Variants in FREM2 observed in about 807,000 individuals in gnomAD.
The protein encoded by FREM2 is FRAS1-related extracellular matrix protein 2.
A neutral mutation model predicts 219.9 loss-of-function variants in FREM2; 119 were observed. That is an observed-to-expected ratio of 0.54 (90% CI 0.47 to 0.63). The LOEUF is 0.63. Ranked by LOEUF, FREM2 falls within the 30% of genes least tolerant of loss-of-function variation. FREM2 has a pLI of 0.00. For synonymous variants in FREM2, 1,562 were observed against 1,522.8 expected, an observed-to-expected ratio of 1.03 and a Z score of -0.60; for missense variants, 4,030 against 3,993.6, an observed-to-expected ratio of 1.01 and a Z score of -0.25.
intron 6 of FREM2, among the ~76,000 whole-genome samples, chr13:38,807,927 G>T (rs1467900435): frequency 6.6e-6 from 1 of 151,946 alleles, no homozygotes; most frequent in Non-Finnish European, 1.5e-5. Flanking sequence ...GCCAGGCATT[G>T]AATTCTCTTA....
chr13:38,774,561 A>G (rs917514993), intron 4 of FREM2, among the ~76,000 whole-genome samples: 2 of 152,202 alleles, frequency 1.3e-5, no homozygotes, highest in African/African-American at 4.8e-5. Context: ...TAGGATAAAG[A>G]TTCTTAACCT....
Position 38,690,523 on chromosome 13 carries a change from T to C in FREM2, c.3179T>C (p.Leu1060Pro), listed in dbSNP as rs748724862. Reference protein sequence around the residue: ...IQGVTIWVTILPVDSQAPEIF... With the variant: ...IQGVTIWVTIPPVDSQAPEIF... ...GGAGTTACTATATGGGTGACCATCC[T>C]GCCTGTTGATAGCCAGGCCCCAGAA... is the stretch of plus-strand genomic sequence containing the variant. The change falls in exon 1 of 24, where the codon CTG becomes CCG. Residue 1060 changes from leucine (L) to proline (P), a missense_variant. Transcript: ENST00000280481. The C allele has an allele frequency of 6.2e-7, 1 of 1,614,156 alleles. No individual in the cohort carries two copies. The highest frequency in any genetic ancestry group is 1.7e-5 in the Admixed American group (1 of 60,034).
intron 2 of FREM2, among the ~76,000 whole-genome samples, chr13:38,705,336 A>G (rs1870496834): frequency 6.6e-6 from 1 of 152,196 alleles, no homozygotes; most frequent in Non-Finnish European, 1.5e-5. Flanking sequence ...TGGTGCTGCC[A>G]TTTATGGAGA....
At chr13:38,826,746 G>A (rs763195487) in intron 6 of FREM2, among the ~76,000 whole-genome samples, 1 of 152,054 alleles carries the variant, frequency 6.6e-6, no homozygotes, top group African/African-American at 2.4e-5. Context: ...CACAGTCTCT[G>A]TTGATTTCAA....
At position 38,687,463 on chromosome 13, in the gene FREM2, T is replaced by C; in HGVS notation, c.119T>C (p.Leu40Pro). Residue 40 changes from leucine (L) to proline (P), a missense_variant, in exon 1 of 24, where the codon CTG becomes CCG. By Grantham distance (98) the Leu-to-Pro change is moderately conservative. Around this residue, in one of 2 missense-constraint regions of FREM2, gnomAD observed 3,102 missense variants for 2,950.7 expected, o/e 1.05. Transcript: ENST00000280481. ...CTGCTGCTGCTGCTTCTCCTGTCAC[T>C]GGTAAGCCGCGTCCCGGCACAGCCC... ...LLLLLLLLLS[L>P]VSRVPAQPAA... The C allele has an allele frequency of 6.3e-7, 1 of 1,592,324 alleles. No homozygotes were observed. Among genetic ancestry groups the C allele is most frequent in the East Asian group, 2.3e-5 (1 of 43,958 alleles).
At chr13:38,840,866 A>G (rs1876935995) in intron 6 of FREM2, among the ~76,000 whole-genome samples, 1 of 152,118 alleles carries the variant, frequency 6.6e-6, no homozygotes, top group Admixed American at 6.6e-5. Context: ...AAATACAATG[A>G]ACAATCCTTT....
Position 38,687,972 on chromosome 13 carries a change from C to T in FREM2, c.628C>T (p.Gln210Ter). 2.5e-6 allele frequency: 4 copies of T among 1,612,522 alleles called. No homozygotes were observed. Among genetic ancestry groups the T allele is most frequent in the Non-Finnish European group, 3.4e-6 (4 of 1,179,248 alleles). The change falls in exon 1 of 24, where the codon CAG becomes TAG. Residue 210 changes from glutamine to a stop codon, truncating the protein, a stop_gained. Transcript: ENST00000280481. LOFTEE classifies it high-confidence loss of function. ...CGCGCGGAGCCTGGAGTTCGCCTTC[C>T]AGCCCGAGACAGAGGAGTGCCGCGT... ...LDARSLEFAF[Q>*]PETEECRVGI...
At chr13:38,702,694 C>A (rs1870389226) in intron 2 of FREM2, among the ~76,000 whole-genome samples, 1 of 152,050 alleles carries the variant, frequency 6.6e-6, no homozygotes, top group Admixed American at 6.6e-5. Flanking sequence ...CCTGGCTGGA[C>A]ATATTGAGTA....
chr13:38,728,487 CCT>C (rs1871622264), intron 2 of FREM2, among the ~76,000 whole-genome samples: 1 of 151,990 alleles, frequency 6.6e-6, no homozygotes, highest in African/African-American at 2.4e-5. Context: ...CTCGGTGCAG[CCT>C]CCACTTCCCA....
chr13:38,785,289 A>G (rs970954498), intron 6 of FREM2, among the ~76,000 whole-genome samples: 1 of 152,244 alleles, frequency 6.6e-6, no homozygotes, highest in Non-Finnish European at 1.5e-5. Flanking sequence ...GCCCCAAAAC[A>G]GGAGGGAGAG....
intron 2 of FREM2, among the ~76,000 whole-genome samples, chr13:38,731,371 T>C (rs1871761969): frequency 6.6e-6 from 1 of 152,208 alleles, no homozygotes; most frequent in South Asian, 2.1e-4. Context: ...GGGGATTCCT[T>C]GAGTTATAAG....
chr13:38,794,440 G>A (rs545654344), intron 6 of FREM2, among the ~76,000 whole-genome samples: 3 of 152,156 alleles, frequency 2.0e-5, no homozygotes, highest in African/African-American at 7.2e-5. Context: ...ATTTTAACCA[G>A]CTTATTTTGT....
chr13:38,739,429 G>T (rs1442733953), intron 2 of FREM2, among the ~76,000 whole-genome samples: 1 of 152,092 alleles, frequency 6.6e-6, no homozygotes, highest in East Asian at 1.9e-4. Context: ...ATGGGAAGGA[G>T]AAAAATATAG....
At chr13:38,791,977 T>C (rs1467427320) in intron 6 of FREM2, among the ~76,000 whole-genome samples, 1 of 152,172 alleles carries the variant, frequency 6.6e-6, no homozygotes, top group Non-Finnish European at 1.5e-5. Context: ...GGGAAGTCCT[T>C]ATTGTTTGTC....
At chr13:38,732,743 T>G (rs1342989612) in intron 2 of FREM2, among the ~76,000 whole-genome samples, 1 of 152,198 alleles carries the variant, frequency 6.6e-6, no homozygotes, top group Non-Finnish European at 1.5e-5. Flanking sequence ...TAAGGGGAAT[T>G]AAGAAGAAAT....
chr13:38,857,610 A>G (rs1447364193), intron 12 of FREM2, among the ~76,000 whole-genome samples: 1 of 152,172 alleles, frequency 6.6e-6, no homozygotes, highest in Non-Finnish European at 1.5e-5. Flanking sequence ...TTAGAGCCCA[A>G]ACACCTCATG....
chr13:38,779,504 G>GT (rs748037619), intron 4 of FREM2: 1 of 152,066 alleles, frequency 6.6e-6, no homozygotes, highest in Non-Finnish European at 1.5e-5. Flanking sequence ...TCTGTGAAGC[G>GT]TTTCGTATTT....
At chr13:38,868,049 T>A (rs1878032550) in intron 16 of FREM2, among the ~76,000 whole-genome samples, 1 of 152,240 alleles carries the variant, frequency 6.6e-6, no homozygotes, top group African/African-American at 2.4e-5. Context: ...CGGTCCCATT[T>A]TCTTCTACCT....
chr13:38,746,977 T>C (rs1872511008), intron 2 of FREM2, among the ~76,000 whole-genome samples: 1 of 152,132 alleles, frequency 6.6e-6, no homozygotes, highest in African/African-American at 2.4e-5. Context: ...TCCAAAGCCA[T>C]CCAGATATTC....
Sources: gnomAD v4.1 joint callset for allele counts (sites outside exome capture counted in the v4.1 genomes callset) on GRCh38, gnomAD v4.1.1 for gene constraint, gnomAD v4.1.1 regional missense constraint, MANE v1.5 for transcripts, NCBI Gene and HGNC (gene_info 2026-07-23, HGNC 2026-07-21) for gene names.